The following TLN2 variants were observed in gnomAD, a reference collection of about 807,000 sequenced individuals.
TLN2 encodes talin 2, also known as talin-2.
In TLN2, 118 loss-of-function variants were observed where a neutral mutation model predicts 294.7. The ratio of observed to expected loss-of-function variants is 0.40; its 90% CI spans 0.34 to 0.47. The LOEUF (loss-of-function observed/expected upper bound fraction) is 0.47, where lower values mean the gene tolerates loss of function less well. Ranked by LOEUF, TLN2 falls within the 20% of genes least tolerant of loss-of-function variation. The pLI, the probability that TLN2 is intolerant of heterozygous loss-of-function variation, is 0.84. For missense variants in TLN2, 3,083 were observed against 3,282.2 expected (o/e 0.94, Z 1.48); for synonymous variants, 1,431 against 1,304.5 (o/e 1.10, Z -2.09).
At chr15:62,655,780 T>C (rs912529449) in intron 7 of TLN2, among the ~76,000 whole-genome samples, 164 bp from the exon 8 acceptor site, 3 of 152,232 alleles carry the variant, frequency 2.0e-5, no homozygotes, top group Non-Finnish European at 2.9e-5. Context: ...TGAAATTATT[T>C]TGCAAAGCTT....
chr15:62,714,569 C>A (rs1224605915), intron 22 of TLN2, among the ~76,000 whole-genome samples: 1 of 151,888 alleles, frequency 6.6e-6, no homozygotes, highest in Non-Finnish European at 1.5e-5. Context: ...ACCAGAAACT[C>A]GTTTCTTCTA....
intron 28 of TLN2, among the ~76,000 whole-genome samples, chr15:62,732,153 T>G (rs1285964806): frequency 6.6e-6 from 1 of 152,200 alleles, no homozygotes; most frequent in Non-Finnish European, 1.5e-5. Context: ...ATGAGAGATT[T>G]AAATTTCAAA....
intron 1 of TLN2, among the ~76,000 whole-genome samples, chr15:62,537,295 A>G (rs776167425): frequency 1.3e-5 from 2 of 152,284 alleles, no homozygotes; most frequent in East Asian, 1.9e-4. Flanking sequence ...GATTACAGGC[A>G]TGAGCCACCG....
At chr15:62,685,384 A>C (rs983074961) in intron 11 of TLN2, among the ~76,000 whole-genome samples, 41 of 152,146 alleles carry the variant, frequency 2.7e-4, no homozygotes, top group Non-Finnish European at 5.9e-5. Flanking sequence ...GAATGGGCCT[A>C]ATGTTGTCTG....
chr15:62,540,480 G>A (rs1043037347), intron 1 of TLN2, among the ~76,000 whole-genome samples: 12 of 151,894 alleles, frequency 7.9e-5, no homozygotes, highest in East Asian at 1.9e-4. Flanking sequence ...GGTGCAGGGC[G>A]TTATGAGAAT....
intron 5 of TLN2, among the ~76,000 whole-genome samples, chr15:62,650,997 G>A (rs2052527316): frequency 6.6e-6 from 1 of 152,132 alleles, no homozygotes; most frequent in African/African-American, 2.4e-5. Context: ...GAAGAATGAT[G>A]AGGATGCTAT....
intron 27 of TLN2, among the ~76,000 whole-genome samples, chr15:62,725,577 A>G (rs1293450895): frequency 6.6e-6 from 1 of 152,216 alleles, no homozygotes; most frequent in Non-Finnish European, 1.5e-5. Context: ...TTTGTTGGCT[A>G]AAACTTTACC....
chr15:62,818,281 G>T (rs1470137672), intron 52 of TLN2, among the ~76,000 whole-genome samples: 1 of 152,216 alleles, frequency 6.6e-6, no homozygotes, highest in African/African-American at 2.4e-5. Context: ...TGCAGAGATA[G>T]ACAGCAGTTA....
chr15:62,583,241 G>A (rs1328069112), intron 1 of TLN2, among the ~76,000 whole-genome samples: 3 of 152,174 alleles, frequency 2.0e-5, no homozygotes. Flanking sequence ...CAGGAAATCA[G>A]TGTTAAAAGC....
chr15:62,653,110 G>A, intron 6 of TLN2, 52 bp from the exon 7 acceptor site: 1 of 1,434,842 alleles, frequency 7.0e-7, no homozygotes, highest in South Asian at 1.4e-5. Flanking sequence ...GGCTGGAAGA[G>A]GTTGACAGCA....
Position 62,840,542 on chromosome 15 carries a change from A to T in TLN2, c.7561A>T (p.Lys2521Ter). 1.2e-6 allele frequency: 2 copies of T among 1,614,200 alleles called. No individual in the cohort carries two copies. The highest frequency in any genetic ancestry group is 1.7e-6 in the Non-Finnish European group (2 of 1,180,038). The change falls in exon 59 of 59, where the codon AAA (lysine) becomes TAA (stop). Residue 2521 changes from lysine to a stop codon, truncating the protein, a stop_gained. Coordinates refer to ENST00000636159, the MANE Select transcript of TLN2 (RefSeq NM_015059.3). LOFTEE classifies it high-confidence loss of function. ...GCGAGAACTGGAAGAAGCAAGGAAAAAACTGGCCCAAATCCGCCAGCAGCA... is the reference window on the plus strand; with the variant it reads ...GCGAGAACTGGAAGAAGCAAGGAAATAACTGGCCCAAATCCGCCAGCAGCA... ...KERELEEARK[K>*]LAQIRQQQYK...
intron 26 of TLN2, among the ~76,000 whole-genome samples, chr15:62,724,619 A>T (rs1005511327): frequency 6.6e-6 from 1 of 152,200 alleles, no homozygotes; most frequent in African/African-American, 2.4e-5. Context: ...CATCTTTCCC[A>T]TGACTCTGTG....
Position 62,647,436 on chromosome 15 carries a change from A to G in TLN2, c.126A>G (p.Gln42=), listed in dbSNP as rs754599334. 18 of 1,614,122 alleles carry G rather than the reference A, an allele frequency of 1.1e-5. No homozygotes were observed. The highest frequency in any genetic ancestry group is 2.2e-5 in the East Asian group (1 of 44,900). The change falls in exon 4 of 59, where the codon CAA becomes CAG. Residue 42 remains glutamine (Q), a synonymous_variant. Transcript: ENST00000636159. ...TTCGGGAACGGGTGCCTGAGGCACA[A>G]ACTGGGCAAGGTAGGTCATGGGTTA... ...RVIRERVPEA[Q]TGQASDYGLF...
chr15:62,588,259 A>G (rs2045787332), intron 1 of TLN2, among the ~76,000 whole-genome samples: 1 of 152,158 alleles, frequency 6.6e-6, no homozygotes, highest in African/African-American at 2.4e-5. Context: ...AAGACATGAA[A>G]AATTTGTTAA....
intron 1 of TLN2, among the ~76,000 whole-genome samples, chr15:62,521,247 A>T (rs1371497207): frequency 1.3e-5 from 2 of 152,144 alleles, no homozygotes; most frequent in Non-Finnish European, 2.9e-5. Flanking sequence ...ACATCTGTGC[A>T]GTGCTGTTGA....
chr15:62,819,724 G>T, intron 53 of TLN2, 103 bp downstream of exon 53: 1 of 972,182 alleles, frequency 1.0e-6, no homozygotes. Context: ...GCCTTTAGCT[G>T]GCAGATGCAG....
intron 1 of TLN2, among the ~76,000 whole-genome samples, chr15:62,470,664 C>T (rs1053889061): frequency 6.6e-6 from 1 of 152,184 alleles, no homozygotes; most frequent in Non-Finnish European, 1.5e-5. Context: ...AGGTGAGATC[C>T]GCATGCAGGA....
In TLN2 at chr15:62,771,682, G is replaced by A. The variant is rs11856203; in HGVS notation, c.5367+548G>A. ...CTTGGGAACTGAAGAAGAGAGAATA[G>A]CATATGCAAAGGCATAGGTAGATTT... On this transcript the variant is annotated intron_variant, in intron 42 of 58. Coordinates refer to ENST00000636159, the MANE Select transcript of TLN2 (RefSeq NM_015059.3). 2.7e-3 allele frequency among the ~76,000 whole-genome samples: 411 copies of A among 152,360 alleles called. 4 individuals are homozygous for A. Among genetic ancestry groups the A allele is most frequent in the African/African-American group, 9.5e-3 (393 of 41,580 alleles).
At chr15:62,527,721 G>A (rs12915742) in intron 1 of TLN2, among the ~76,000 whole-genome samples, 10,100 of 152,280 alleles carry the variant, frequency 0.066, 473 homozygotes, top group Non-Finnish European at 0.097. Flanking sequence ...TTCAATTCCA[G>A]GGCTGGGCTT....
Sources: allele counts gnomAD v4.1 joint callset (sites outside exome capture counted in the v4.1 genomes callset), GRCh38; gene constraint gnomAD v4.1.1; transcripts MANE v1.5; gene names NCBI Gene and HGNC (gene_info 2026-07-23, HGNC 2026-07-21).